Variants in LARP4B observed in about 807,000 individuals in gnomAD.
LARP4B encodes La ribonucleoprotein 4B.
Under a neutral mutation model 89.8 loss-of-function variants are expected in LARP4B, and 12 were observed. The ratio of observed to expected loss-of-function variants is 0.13; its 90% CI spans 0.09 to 0.22. LARP4B has a LOEUF of 0.22. Among genes scored for constraint, LARP4B ranks in the 10% least tolerant of loss-of-function variants. LARP4B has a pLI of 1.00. For synonymous variants in LARP4B, 367 were observed against 363.3 expected, an observed-to-expected ratio of 1.01 and a Z score of -0.12; for missense variants, 757 against 947.7, an observed-to-expected ratio of 0.80 and a Z score of 2.64.
chr10:914,797 C>T (rs1293230891), intron 1 of LARP4B, among the ~76,000 whole-genome samples: 5 of 149,888 alleles, frequency 3.3e-5, no homozygotes, highest in African/African-American at 1.2e-4. Flanking sequence ...GTAGACTCAG[C>T]GCCCCACCCG....
At chr10:930,915 C>T (rs1837282767) in intron 1 of LARP4B, among the ~76,000 whole-genome samples, 1 of 151,060 alleles carries the variant, frequency 6.6e-6, no homozygotes, top group African/African-American at 2.4e-5. Context: ...TGGCGCCGCA[C>T]TGCGGGTGCC....
intron 7 of LARP4B, among the ~76,000 whole-genome samples, chr10:839,790 G>A (rs1332607060): frequency 6.6e-6 from 1 of 152,166 alleles, no homozygotes; most frequent in East Asian, 1.9e-4. Flanking sequence ...CATTCCACTT[G>A]TGGCTATTTA....
the LARP4B span, among the ~76,000 whole-genome samples, chr10:959,417 A>C: frequency 1.7e-4 from 7 of 40,730 alleles, no homozygotes; most frequent in Non-Finnish European, 2.5e-4. Flanking sequence ...CCATCAATCC[A>C]CCTCCCCGTC....
the LARP4B span, among the ~76,000 whole-genome samples, chr10:945,966 C>T: frequency 6.6e-6 from 1 of 152,262 alleles, no homozygotes; most frequent in Middle Eastern, 3.4e-3. Context: ...GCCTTGATGG[C>T]CCCCTGGTCT....
intron 8 of LARP4B, among the ~76,000 whole-genome samples, chr10:833,908 CAG>C (rs1833064816): frequency 6.8e-6 from 1 of 146,122 alleles, no homozygotes; most frequent in Non-Finnish European, 1.5e-5. Flanking sequence ...AAAAAAAAGA[CAG>C]AAATTTTCAG....
intron 1 of LARP4B, among the ~76,000 whole-genome samples, chr10:918,737 A>T (rs1270926450): frequency 6.6e-6 from 1 of 151,952 alleles, no homozygotes. Flanking sequence ...GGAAATGTAG[A>T]TAACTTTACT....
chr10:982,463 G>A, the LARP4B span, among the ~76,000 whole-genome samples: 6 of 152,240 alleles, frequency 3.9e-5, no homozygotes, highest in East Asian at 3.9e-4. Flanking sequence ...GAGTGGGCCA[G>A]TCAAGTAAAA....
chr10:814,610 C>T lies in LARP4B; in HGVS notation c.1929+132G>A, dbSNP rs963337828. On this transcript the variant is annotated intron_variant, in intron 17 of 17. Coordinates refer to ENST00000316157, the MANE Select transcript of LARP4B (RefSeq NM_015155.3). The surrounding 1 kb of genome is among the most constrained non-coding windows in gnomAD (Gnocchi z 4.4). ...AAGGTATTTTGTACAGAAAACACAA[C>T]ACAGACAGACGCAAATAAAAACCCA... 10 of 1,542,860 alleles carry T rather than the reference C, an allele frequency of 6.5e-6. No individual in the cohort carries two copies. Among genetic ancestry groups the T allele is most frequent in the Non-Finnish European group, 8.8e-6 (10 of 1,140,870 alleles).
chr10:893,902 C>A (rs1488332414), intron 1 of LARP4B, among the ~76,000 whole-genome samples: 1 of 152,182 alleles, frequency 6.6e-6, no homozygotes, highest in Non-Finnish European at 1.5e-5. Context: ...AGGACACCCA[C>A]TTATTATTCC....
At chr10:972,455 G>T in the LARP4B span, 1 of 451,178 alleles carries the variant, frequency 2.2e-6, no homozygotes, top group East Asian at 6.9e-5. Flanking sequence ...GTATTACCCA[G>T]TCTGTGGAAT....
chr10:962,887 A>G, the LARP4B span, among the ~76,000 whole-genome samples: 9 of 152,156 alleles, frequency 5.9e-5, no homozygotes, highest in South Asian at 2.1e-4. Context: ...AACTCACTCC[A>G]GAGGAGACCA....
the LARP4B span, among the ~76,000 whole-genome samples, chr10:939,470 T>G: frequency 3.9e-5 from 6 of 152,360 alleles, no homozygotes; most frequent in Admixed American, 1.3e-4. Context: ...CTGAAACGGC[T>G]TCCTGAAGTT....
At chr10:975,162 T>C in the LARP4B span, among the ~76,000 whole-genome samples, 1 of 152,242 alleles carries the variant, frequency 6.6e-6, no homozygotes, top group Non-Finnish European at 1.5e-5. Flanking sequence ...GTTACTTTCA[T>C]GATTTTATAG....
At chr10:870,551 T>C (rs535412938) in intron 3 of LARP4B, among the ~76,000 whole-genome samples, 10 of 152,300 alleles carry the variant, frequency 6.6e-5, no homozygotes, top group African/African-American at 9.6e-5. Context: ...CACCTTAGCA[T>C]TTCCCATAAA....
At chr10:888,625 T>C (rs1304996076) in intron 1 of LARP4B, among the ~76,000 whole-genome samples, 2 of 152,104 alleles carry the variant, frequency 1.3e-5, no homozygotes, top group African/African-American at 2.4e-5. Flanking sequence ...CCTTCTAATA[T>C]TTAAAATGGC....
At chr10:914,383 G>T (rs947117322) in intron 1 of LARP4B, among the ~76,000 whole-genome samples, 4 of 151,898 alleles carry the variant, frequency 2.6e-5, no homozygotes, top group African/African-American at 7.3e-5. Flanking sequence ...AGGGGGAAAG[G>T]AAAGTAAGTT....
In LARP4B at chr10:863,912, CA is replaced by C. The variant is rs35873275; in HGVS notation, c.290-30del. On this transcript the variant is annotated intron_variant, in intron 4 of 17. Coordinates refer to ENST00000316157, the MANE Select transcript of LARP4B (RefSeq NM_015155.3). ...CAATTAGGAGTTTACCCCAAAAAGGCAGGGTTAGAAGCATAACTTTCTCTTA... is the reference window on the plus strand; with the variant it reads ...CAATTAGGAGTTTACCCCAAAAAGGCGGGTTAGAAGCATAACTTTCTCTTA... 9.7e-4 allele frequency: 1,562 copies of C among 1,603,296 alleles called. 15 individuals carry two copies. In the African/African-American group the frequency reaches 0.018, roughly 19 times the overall value.
At chr10:925,754 G>A (rs544758544) in intron 1 of LARP4B, among the ~76,000 whole-genome samples, 2 of 152,200 alleles carry the variant, frequency 1.3e-5, no homozygotes, top group East Asian at 1.9e-4. Flanking sequence ...GGCTGGTCTC[G>A]AACTCCTAAC....
the LARP4B span, among the ~76,000 whole-genome samples, chr10:978,554 T>C: frequency 6.6e-6 from 1 of 152,176 alleles, no homozygotes; most frequent in Admixed American, 6.5e-5. Context: ...ATTCTGCTTG[T>C]GTAGTTATAA....
Sources: allele counts gnomAD v4.1 joint callset (sites outside exome capture counted in the v4.1 genomes callset), GRCh38; gene constraint gnomAD v4.1.1; non-coding constraint Gnocchi (gnomAD v3.1); transcripts MANE v1.5; gene names NCBI Gene and HGNC (gene_info 2026-07-23, HGNC 2026-07-21).